NPLOC4: variants seen among roughly 807,000 people sequenced by gnomAD.
The protein encoded by NPLOC4 is nuclear protein localization protein 4 homolog.
Under a neutral mutation model 80.6 loss-of-function variants are expected in NPLOC4, and 18 were observed. The ratio of observed to expected loss-of-function variants is 0.22; its 90% CI spans 0.15 to 0.33. The LOEUF (loss-of-function observed/expected upper bound fraction) is 0.33, where lower values mean the gene tolerates loss of function less well. NPLOC4 is among the 10% of genes least tolerant of loss of function. NPLOC4 has a pLI of 1.00. For missense variants in NPLOC4, 540 were observed against 786.1 expected, an observed-to-expected ratio of 0.69 and a Z score of 3.74; for synonymous variants, 313 against 301.5, an observed-to-expected ratio of 1.04 and a Z score of -0.39.
chr17:81,617,038 G>A (rs559372534), intron 3 of NPLOC4, among the ~76,000 whole-genome samples: 10 of 152,224 alleles, frequency 6.6e-5, no homozygotes, highest in Admixed American at 5.2e-4. Context: ...CAGCAATGCA[G>A]GGGGCAGGGA....
In NPLOC4 at chr17:81,559,357, G is replaced by A. The variant is rs1356572618; in HGVS notation, c.1729C>T (p.His577Tyr). The A allele has an allele frequency of 6.2e-7, 1 of 1,608,478 alleles. No individual in the cohort carries two copies. The highest frequency in any genetic ancestry group is 8.5e-7 in the Non-Finnish European group (1 of 1,177,876). ...HEYGAVGGST[H>Y]TATAAMWACQ... ...GCCCACATGGCTGCAGTGGCCGTGTGTGTGGAGCCCCCGACGGCGCCGTAC... is the reference window on the plus strand; with the variant it reads ...GCCCACATGGCTGCAGTGGCCGTGTATGTGGAGCCCCCGACGGCGCCGTAC... The change falls in exon 17 of 17, where the codon CAC becomes TAC. Residue 577 changes from histidine (H) to tyrosine (Y), a missense_variant. This residue lies in a region of NPLOC4 where 87 missense variants were observed against 70.3 expected (regional missense o/e 1.24). Coordinates refer to ENST00000331134, the MANE Select transcript of NPLOC4 (RefSeq NM_017921.4).
At chr17:81,597,838 G>A (rs1015063451) in intron 9 of NPLOC4, among the ~76,000 whole-genome samples, 3 of 151,186 alleles carry the variant, frequency 2.0e-5, no homozygotes, top group South Asian at 2.1e-4. Flanking sequence ...GCTCACGCCT[G>A]TAATTCCAAC....
rs764119229 is a variant in NPLOC4 at position 81,613,439 on chromosome 17, T to C, written c.265A>G (p.Met89Val). The change falls in exon 4 of 17, where the codon ATG becomes GTG. Residue 89 changes from methionine (M) to valine (V), a missense_variant. Physicochemically the swap from Met to Val is conservative, Grantham distance 21. This residue lies in a region of NPLOC4 where 74 missense variants were observed against 75.7 expected (regional missense o/e 0.98). Transcript: ENST00000331134. ...PSSLAGPSSE[M>V]ETSVPPGFKV... ...AAGCCCGGTGGAACTGACGTCTCCA[T>C]TTCAGATGAGGGCCCAGCAAGGCTC... The C allele has an allele frequency of 1.9e-6, 3 of 1,613,934 alleles. No individual in the cohort carries two copies. Among genetic ancestry groups the C allele is most frequent in the East Asian group, 2.2e-5 (1 of 44,876 alleles).
chr17:81,559,257 C>T lies in NPLOC4; in HGVS notation c.*2G>A, dbSNP rs769446676. 3.2e-5 allele frequency: 51 copies of T among 1,599,146 alleles called. No homozygotes were observed. The highest frequency in any genetic ancestry group is 3.9e-5 in the Non-Finnish European group (46 of 1,173,892). ...GGTCCTAGCCAGCAGAGGGCAGGCG[C>T]CCTAGGTCCTGGGGAGGCTGCACAT... is the stretch of plus-strand genomic sequence containing the variant. On this transcript the variant is annotated 3_prime_UTR_variant, in exon 17 of 17. Coordinates refer to ENST00000331134, the MANE Select transcript of NPLOC4 (RefSeq NM_017921.4).
At position 81,572,199 on chromosome 17, in the gene NPLOC4, TA is replaced by T; in HGVS notation, c.1282-112del. 3.9e-6 allele frequency: 2 copies of T among 511,016 alleles called. No homozygotes were observed. The highest frequency in any genetic ancestry group is 3.0e-6 in the Non-Finnish European group (1 of 335,826). The allele number at this position is 511,016 out of a possible 1,614,324, so 31.7% of individuals were successfully genotyped here. A position where few individuals can be genotyped will look rare whatever the true frequency, so the allele number is the denominator to read the frequency against. Reference sequence around the variant, plus strand: ...TAATTAATTAATTTATTTATTTATTTATTTTTTGAGACAGAGTCTTGTGCTG... The same window carrying T: ...TAATTAATTAATTTATTTATTTATTTTTTTTTGAGACAGAGTCTTGTGCTG... On this transcript the variant is annotated intron_variant, in intron 12 of 16. Transcript: ENST00000331134. The surrounding 1 kb of genome is among the most constrained non-coding windows in gnomAD (Gnocchi z 4.5).
At chr17:81,609,868 C>T (rs2035297843) in intron 5 of NPLOC4, among the ~76,000 whole-genome samples, 3 of 152,196 alleles carry the variant, frequency 2.0e-5, no homozygotes, top group Admixed American at 2.0e-4. Context: ...AGATTCAAGG[C>T]AAAGTAAATC....
At chr17:81,564,338 G>A (rs950447890) in intron 16 of NPLOC4, 1 of 155,812 alleles carries the variant, frequency 6.4e-6, no homozygotes, top group Non-Finnish European at 1.4e-5. Context: ...TTGCAAGCCT[G>A]TGGTCCCAGT....
intron 4 of NPLOC4, 175 bp downstream of exon 4, chr17:81,613,143 A>C (rs1233950739): frequency 9.3e-6 from 5 of 540,258 alleles, no homozygotes; most frequent in African/African-American, 4.3e-5. Flanking sequence ...AAAAAAACAA[A>C]AACCGATAAA....
At chr17:81,615,985 C>G (rs556882325) in intron 3 of NPLOC4, among the ~76,000 whole-genome samples, 93 of 152,252 alleles carry the variant, frequency 6.1e-4, no homozygotes, top group Non-Finnish European at 1.1e-3. Context: ...ATCACACCCC[C>G]CTGTGCCAAC....
At chr17:81,616,827 TTA>T (rs2035506932) in intron 3 of NPLOC4, among the ~76,000 whole-genome samples, 1 of 151,470 alleles carries the variant, frequency 6.6e-6, no homozygotes, top group East Asian at 1.9e-4. Flanking sequence ...GACACAGAAA[TTA>T]TGAGACCGAA....
In NPLOC4 at chr17:81,580,868, C is replaced by A. The variant is rs2034420631; in HGVS notation, c.1281+8076G>T. ...GCTACCAAGGGCTTGGCCACCCAAACACAACAGCTCTCGCTCCCCGCTCAG... is the reference window on the plus strand; with the variant it reads ...GCTACCAAGGGCTTGGCCACCCAAAAACAACAGCTCTCGCTCCCCGCTCAG... On this transcript the variant is annotated intron_variant, in intron 12 of 16. Transcript: ENST00000331134. This position sits in a 1 kb window ranked among gnomAD's most constrained non-coding sequence, Gnocchi z 4.4. 6.6e-6 allele frequency among the ~76,000 whole-genome samples: 1 copy of A among 152,210 alleles called. No individual in the cohort carries two copies. The highest frequency in any genetic ancestry group is 2.1e-4 in the South Asian group (1 of 4,830).
intron 8 of NPLOC4, 37 bp downstream of exon 8, chr17:81,604,511 C>A: frequency 6.3e-7 from 1 of 1,596,606 alleles, no homozygotes; most frequent in Non-Finnish European, 8.5e-7. Context: ...AGCCTCCAAA[C>A]ACAGAAACTC....
chr17:81,600,730 G>A (rs528135728), intron 8 of NPLOC4, among the ~76,000 whole-genome samples: 2 of 152,306 alleles, frequency 1.3e-5, no homozygotes, highest in Admixed American at 1.3e-4. Flanking sequence ...TACACACTCT[G>A]CCTGTTTTAA....
chr17:81,610,060 A>G (rs1568152119), intron 5 of NPLOC4, 150 bp downstream of exon 5: 1 of 615,046 alleles, frequency 1.6e-6, no homozygotes, highest in Non-Finnish European at 2.9e-6. Flanking sequence ...AGCTTGCACT[A>G]GGGGAATATG....
At chr17:81,597,379 A>G (rs1228378311) in intron 9 of NPLOC4, 63 bp from the exon 10 acceptor site, 7 of 1,302,180 alleles carry the variant, frequency 5.4e-6, no homozygotes, top group Non-Finnish European at 7.8e-6. Context: ...GGCTGGGCGC[A>G]GTGACTCACG....
chr17:81,567,904 C>T lies in NPLOC4; in HGVS notation c.1450-371G>A, dbSNP rs192016591. 9 of 189,596 alleles carry T rather than the reference C, an allele frequency of 4.7e-5. No homozygotes were observed. Among genetic ancestry groups the T allele is most frequent in the Admixed American group, 1.1e-4 (2 of 18,568 alleles). 11.7% of individuals were successfully genotyped at this position (189,596 alleles called of 1,614,324 possible). On this transcript the variant is annotated intron_variant, in intron 14 of 16. Coordinates refer to ENST00000331134, the MANE Select transcript of NPLOC4 (RefSeq NM_017921.4). The surrounding 1 kb of genome is among the most constrained non-coding windows in gnomAD (Gnocchi z 4.5). The stretch of plus-strand genomic sequence containing the variant: ...CAGTCTGGCCAACATGGCGAAACCC[C>T]GTCTCTACTAAAAATACAAAAAAAA...
intron 8 of NPLOC4, among the ~76,000 whole-genome samples, chr17:81,601,378 G>T (rs1289241068): frequency 6.6e-6 from 1 of 152,164 alleles, no homozygotes; most frequent in Non-Finnish European, 1.5e-5. Context: ...CTAAGGAAAA[G>T]GAGTTGTTTA....
chr17:81,590,985 C>T (rs2034722708), intron 11 of NPLOC4, among the ~76,000 whole-genome samples: 1 of 152,188 alleles, frequency 6.6e-6, no homozygotes, highest in Admixed American at 6.5e-5. Context: ...CACAAATGAC[C>T]ACTAATATCT....
rs557324514 is a variant in NPLOC4 at position 81,608,532 on chromosome 17, G to A, written c.530+196C>T. The stretch of plus-strand genomic sequence containing the variant: ...TCTAGACCAGCCTGGGCAACATAGT[G>A]AGACCCCATCTCTTAAAAACATATA... On this transcript the variant is annotated intron_variant, in intron 6 of 16. Coordinates refer to ENST00000331134, the MANE Select transcript of NPLOC4 (RefSeq NM_017921.4). 2.0e-5 allele frequency among the ~76,000 whole-genome samples: 3 copies of A among 152,298 alleles called. No individual in the cohort carries two copies. The East Asian group carries it at 5.8e-4, about 29-fold the overall frequency.
Sources: allele counts gnomAD v4.1 joint callset (sites outside exome capture counted in the v4.1 genomes callset), GRCh38; gene constraint gnomAD v4.1.1; regional missense constraint gnomAD v4.1.1; non-coding constraint Gnocchi (gnomAD v3.1); transcripts MANE v1.5; gene names NCBI Gene and HGNC (gene_info 2026-07-23, HGNC 2026-07-21).